The following USH2A variants were observed in gnomAD, a reference collection of about 807,000 sequenced individuals.
USH2A encodes the protein usherin, also known as Usher syndrome 2A (autosomal recessive, mild).
USH2A carries 443 observed loss-of-function variants against 538.9 expected under a neutral mutation model. The observed-to-expected ratio is 0.82, with a 90% CI of 0.76 to 0.89. USH2A has a LOEUF of 0.89. Ranked by LOEUF, USH2A falls within the 40% of genes least tolerant of loss-of-function variation. The probability of loss-of-function intolerance (pLI) is 0.00; values close to 1 mark genes in which losing one functional copy is unlikely to be tolerated. For synonymous variants in USH2A, 2,413 were observed against 2,273.5 expected (o/e 1.06, Z -1.75); for missense variants, 6,633 against 6,324.8 (o/e 1.05, Z -1.65).
At chr1:215,738,564 A>G (rs1660216367) in intron 60 of USH2A, among the ~76,000 whole-genome samples, 1 of 152,132 alleles carries the variant, frequency 6.6e-6, no homozygotes, top group South Asian at 2.1e-4. Flanking sequence ...GAAGTCATAA[A>G]CATCTTCTGT....
At chr1:216,188,600 A>G (rs952265181) in intron 20 of USH2A, among the ~76,000 whole-genome samples, 1 of 151,930 alleles carries the variant, frequency 6.6e-6, no homozygotes, top group African/African-American at 2.4e-5. Flanking sequence ...TTACTAGGAG[A>G]TATTTTTGAC....
chr1:215,930,570 C>T (rs1486738972), intron 38 of USH2A, among the ~76,000 whole-genome samples: 1 of 152,050 alleles, frequency 6.6e-6, no homozygotes, highest in Non-Finnish European at 1.5e-5. Context: ...GCAACTGTGA[C>T]TTTAACTGGT....
intron 30 of USH2A, among the ~76,000 whole-genome samples, chr1:216,050,020 G>A (rs979473617): frequency 3.3e-5 from 5 of 152,218 alleles, no homozygotes; most frequent in Non-Finnish European, 5.9e-5. Context: ...AAACCCTCTC[G>A]TGTCAGAACC....
chr1:216,196,758 A>G (rs539165588), intron 18 of USH2A, 36 bp from the exon 19 acceptor site: 157 of 1,597,638 alleles, frequency 9.8e-5, no homozygotes, highest in Admixed American at 1.5e-4. Flanking sequence ...CATCAAAACA[A>G]TGAATGTCGT....
intron 9 of USH2A, among the ~76,000 whole-genome samples, chr1:216,319,406 T>C (rs544222756): frequency 6.6e-6 from 1 of 152,298 alleles, no homozygotes; most frequent in East Asian, 1.9e-4. Flanking sequence ...AGCCATACAA[T>C]CAAGCATATT....
intron 36 of USH2A, among the ~76,000 whole-genome samples, chr1:215,968,077 G>A (rs1185208980): frequency 6.6e-6 from 1 of 152,112 alleles, no homozygotes; most frequent in Non-Finnish European, 1.5e-5. Flanking sequence ...AAAATGTGAA[G>A]GGTTTCCCTC....
chr1:216,410,773 T>C (rs1264719809), intron 3 of USH2A, among the ~76,000 whole-genome samples: 2 of 152,252 alleles, frequency 1.3e-5, no homozygotes, highest in Non-Finnish European at 2.9e-5. Context: ...ATCAACTCCC[T>C]TTCCCTCATA....
At chr1:215,721,975 G>A (rs1165662189) in intron 61 of USH2A, among the ~76,000 whole-genome samples, 2 of 151,656 alleles carry the variant, frequency 1.3e-5, no homozygotes, top group Admixed American at 6.6e-5. Flanking sequence ...TGAGGAGGGA[G>A]GATCACTTCA....
At chr1:216,044,700 C>T (rs2030434389) in intron 32 of USH2A, among the ~76,000 whole-genome samples, 1 of 152,088 alleles carries the variant, frequency 6.6e-6, no homozygotes, top group African/African-American at 2.4e-5. Flanking sequence ...AGTTAAAACA[C>T]TTGTTTTTAA....
chr1:216,196,666 T>C lies in USH2A; in HGVS notation c.4138A>G (p.Ile1380Val), dbSNP rs765346925. 6.2e-7 allele frequency: 1 copy of C among 1,613,502 alleles called. No individual in the cohort carries two copies. Among genetic ancestry groups the C allele is most frequent in the Non-Finnish European group, 8.5e-7 (1 of 1,179,696 alleles). Residue 1380 changes from isoleucine (I) to valine (V), a missense_variant, in exon 19 of 72, where the codon ATC becomes GTC. Physicochemically the swap from Ile to Val is conservative, Grantham distance 29. Transcript: ENST00000307340. ...TTATCTGCTGGCTTCTCCCAGGAGA[T>C]ATTGAGAGAGTACGAAGAGAGGGGA... ...VFPLSSYSLN[I>V]SWEKPADNVT...
At chr1:215,761,490 G>A (rs1660980223) in intron 56 of USH2A, among the ~76,000 whole-genome samples, 1 of 152,106 alleles carries the variant, frequency 6.6e-6, no homozygotes. Flanking sequence ...TGCAAAGTTA[G>A]TTCCATGGTA....
intron 35 of USH2A, among the ~76,000 whole-genome samples, chr1:215,988,853 C>T (rs1466765990): frequency 6.6e-6 from 1 of 152,196 alleles, no homozygotes; most frequent in Non-Finnish European, 1.5e-5. Context: ...AGCACAGACA[C>T]TGTGGAGCAG....
At chr1:215,770,102 C>T (rs1358036289) in intron 55 of USH2A, among the ~76,000 whole-genome samples, 7 of 152,130 alleles carry the variant, frequency 4.6e-5, no homozygotes, top group Admixed American at 3.9e-4. Context: ...CTTTTTATAA[C>T]AAAACTCACA....
intron 38 of USH2A, among the ~76,000 whole-genome samples, chr1:215,906,594 C>A (rs1665645601): frequency 6.6e-6 from 1 of 151,876 alleles, no homozygotes; most frequent in Non-Finnish European, 1.5e-5. Context: ...ATTAAATAAA[C>A]AAATTTCAAT....
At chr1:216,082,119 C>T (rs1558248976) in intron 26 of USH2A, among the ~76,000 whole-genome samples, 1 of 152,030 alleles carries the variant, frequency 6.6e-6, no homozygotes, top group Admixed American at 6.6e-5. Flanking sequence ...CTCAACGATG[C>T]TCAGTGAAGG....
chr1:215,683,363 A>G lies in USH2A; in HGVS notation c.12067-2987T>C, dbSNP rs140899491. On this transcript the variant is annotated intron_variant, in intron 61 of 71. Coordinates refer to ENST00000307340, the MANE Select transcript of USH2A (RefSeq NM_206933.4). ...TATTAAAAAATGAAGAAAACATAAAAATGACAAGATAATCCTTGCCAATTT... is the reference window on the plus strand; with the variant it reads ...TATTAAAAAATGAAGAAAACATAAAGATGACAAGATAATCCTTGCCAATTT... Among the ~76,000 whole-genome samples the G allele has an allele frequency of 5.4e-3, 816 of 152,328 alleles. 9 individuals are homozygous for G. The highest frequency in any genetic ancestry group is 0.019 in the African/African-American group (777 of 41,572).
chr1:215,894,541 A>C (rs1665278539), intron 40 of USH2A, among the ~76,000 whole-genome samples: 1 of 152,086 alleles, frequency 6.6e-6, no homozygotes. Flanking sequence ...AACAGGAAAA[A>C]TGGTTTTGTT....
intron 61 of USH2A, among the ~76,000 whole-genome samples, chr1:215,721,091 T>C (rs1659642744): frequency 6.6e-6 from 1 of 152,130 alleles, no homozygotes. Context: ...TTGTTGTTTT[T>C]TGAGACAGGT....
chr1:216,194,717 A>T (rs1489356269), intron 19 of USH2A, among the ~76,000 whole-genome samples: 2 of 152,128 alleles, frequency 1.3e-5, no homozygotes, highest in Non-Finnish European at 2.9e-5. Context: ...TTCTACCACC[A>T]CTAAGAAGGA....
Sources: gnomAD v4.1 joint callset for allele counts (sites outside exome capture counted in the v4.1 genomes callset) on GRCh38, gnomAD v4.1.1 for gene constraint, MANE v1.5 for transcripts, NCBI Gene and HGNC (gene_info 2026-07-23, HGNC 2026-07-21) for gene names.